Variants in ADCK1 observed in about 807,000 individuals in gnomAD.
ADCK1 encodes aarF domain-containing protein kinase 1.
ADCK1 carries 41 observed loss-of-function variants against 52.3 expected under a neutral mutation model. The observed-to-expected ratio is 0.78, with a 90% CI of 0.61 to 1.02. The LOEUF is 1.02. Ranked by LOEUF, ADCK1 falls within the 50% of genes least tolerant of loss-of-function variation. The pLI is 0.00. For missense variants in ADCK1, 658 were observed against 679.5 expected (o/e 0.97, Z 0.35); for synonymous variants, 250 against 274.6 (o/e 0.91, Z 0.89).
intron 1 of ADCK1, among the ~76,000 whole-genome samples, chr14:77,816,881 A>AATATATATATATATAT (rs71128689): frequency 0.083 from 9,092 of 109,344 alleles, 758 homozygotes; most frequent in East Asian, 0.2. Context: ...GTAGATGGTA[A>AATATATATATATATAT]ATATATATAT....
At chr14:77,833,301 T>G (rs6574405) in intron 3 of ADCK1, among the ~76,000 whole-genome samples, 117,153 of 152,158 alleles carry the variant, frequency 0.77, 45,261 homozygotes, top group Admixed American at 0.84. Flanking sequence ...TGTCGACCTG[T>G]CATGGAATCT....
intron 1 of ADCK1, among the ~76,000 whole-genome samples, chr14:77,815,171 T>A (rs1392669115): frequency 1.3e-5 from 2 of 150,056 alleles, no homozygotes; most frequent in Non-Finnish European, 3.0e-5. Context: ...ATCTACATTT[T>A]AAAAAATGTT....
chr14:77,858,985 G>A (rs1429219877), intron 3 of ADCK1, 91 bp from the exon 4 acceptor site: 2 of 1,244,390 alleles, frequency 1.6e-6, no homozygotes, highest in Non-Finnish European at 2.2e-6. Context: ...GGGTAATGAG[G>A]GTTTTCAAGC....
intron 1 of ADCK1, among the ~76,000 whole-genome samples, chr14:77,815,749 C>T (rs1347859863): frequency 6.6e-6 from 1 of 151,426 alleles, no homozygotes; most frequent in Non-Finnish European, 1.5e-5. Context: ...GAACTCGTGA[C>T]CTCGTGATCT....
intron 7 of ADCK1, among the ~76,000 whole-genome samples, chr14:77,915,164 A>G (rs1454331230): frequency 6.6e-6 from 1 of 150,772 alleles, no homozygotes; most frequent in Non-Finnish European, 1.5e-5. Flanking sequence ...CCATCCCTTC[A>G]TTGCTTCTTG....
intron 4 of ADCK1, among the ~76,000 whole-genome samples, chr14:77,863,079 G>A (rs1029942848): frequency 5.3e-5 from 8 of 152,218 alleles, no homozygotes; most frequent in Non-Finnish European, 8.8e-5. Flanking sequence ...TTACAATGTG[G>A]CGTTCAGCCG....
chr14:77,815,727 C>T (rs564675906), intron 1 of ADCK1, among the ~76,000 whole-genome samples: 1 of 151,674 alleles, frequency 6.6e-6, no homozygotes, highest in South Asian at 2.1e-4. Context: ...GCATATTGGC[C>T]AGGCTGGTCT....
At chr14:77,864,823 G>A (rs1397447088) in intron 4 of ADCK1, among the ~76,000 whole-genome samples, 1 of 152,214 alleles carries the variant, frequency 6.6e-6, no homozygotes, top group Non-Finnish European at 1.5e-5. Context: ...AGGAAGAACC[G>A]ATGGTGCAGT....
chr14:77,914,445 G>GTTT, intron 7 of ADCK1: 1 of 985,454 alleles, frequency 1.0e-6, no homozygotes, highest in Non-Finnish European at 1.2e-6. Context: ...CAGGAGCAGC[G>GTTT]AAAAGGTCTC....
chr14:77,859,827 G>T (rs959986106), intron 4 of ADCK1, among the ~76,000 whole-genome samples: 1 of 152,234 alleles, frequency 6.6e-6, no homozygotes, highest in Admixed American at 6.5e-5. Context: ...TGTAGAGCAA[G>T]TGCTCAACAA....
At chr14:77,804,698 C>T (rs1449549653) in intron 1 of ADCK1, among the ~76,000 whole-genome samples, 1 of 152,162 alleles carries the variant, frequency 6.6e-6, no homozygotes, top group Non-Finnish European at 1.5e-5. Context: ...GTTCCTTGCT[C>T]TGCACAGGTC....
At chr14:77,854,138 G>A (rs2082368249) in intron 3 of ADCK1, among the ~76,000 whole-genome samples, 1 of 152,242 alleles carries the variant, frequency 6.6e-6, no homozygotes. Flanking sequence ...TTGACATCAT[G>A]ATTTATGGCC....
At position 77,911,068 on chromosome 14, in the gene ADCK1, A is replaced by G. The variant is rs148190010; in HGVS notation, c.858+3149A>G. ...GTTATTTGGGGAAAAACAATAACTA[A>G]TAATAATTATAAGCAACTAATATGT... On this transcript the variant is annotated intron_variant, in intron 7 of 10. Coordinates refer to ENST00000238561, the MANE Select transcript of ADCK1 (RefSeq NM_020421.4). Among the ~76,000 whole-genome samples the G allele has an allele frequency of 2.0e-4, 31 of 152,334 alleles. No individual in the cohort carries two copies. In the East Asian group the frequency reaches 5.2e-3, roughly 26 times the overall value.
At chr14:77,872,232 G>A (rs922644972) in intron 4 of ADCK1, among the ~76,000 whole-genome samples, 2 of 152,196 alleles carry the variant, frequency 1.3e-5, no homozygotes, top group Non-Finnish European at 2.9e-5. Context: ...GAGACTCTGA[G>A]ATGTTAAGTA....
intron 1 of ADCK1, among the ~76,000 whole-genome samples, chr14:77,800,821 C>G (rs2081093593): frequency 6.6e-6 from 1 of 152,230 alleles, no homozygotes; most frequent in African/African-American, 2.4e-5. Flanking sequence ...GAAAGTCATT[C>G]AACAAGTATT....
chr14:77,858,733 C>G (rs2082477587), intron 3 of ADCK1, among the ~76,000 whole-genome samples: 1 of 152,048 alleles, frequency 6.6e-6, no homozygotes, highest in African/African-American at 2.4e-5. Context: ...CTCTGTGTCC[C>G]TTGAATGAGT....
intron 4 of ADCK1, among the ~76,000 whole-genome samples, chr14:77,876,812 A>G (rs2082910309): frequency 6.6e-6 from 1 of 152,176 alleles, no homozygotes; most frequent in Non-Finnish European, 1.5e-5. Flanking sequence ...TCCCCAGTAG[A>G]TCCATGGAGC....
intron 3 of ADCK1, among the ~76,000 whole-genome samples, chr14:77,826,075 A>T (rs1344092874): frequency 6.6e-6 from 1 of 152,164 alleles, no homozygotes; most frequent in Non-Finnish European, 1.5e-5. Flanking sequence ...AGATAAGCTG[A>T]CAGTTTTGGG....
At chr14:77,929,510 G>C (rs1021332479) in intron 9 of ADCK1, among the ~76,000 whole-genome samples, 3 of 152,176 alleles carry the variant, frequency 2.0e-5, no homozygotes, top group African/African-American at 7.2e-5. Context: ...TTGCCTCATT[G>C]GCTGACGCAG....
Sources: gnomAD v4.1 joint callset for allele counts (sites outside exome capture counted in the v4.1 genomes callset) on GRCh38, gnomAD v4.1.1 for gene constraint, MANE v1.5 for transcripts, NCBI Gene and HGNC (gene_info 2026-07-23, HGNC 2026-07-21) for gene names.